SYT9: variants seen among roughly 807,000 people sequenced by gnomAD.
SYT9 encodes the protein synaptotagmin-9.
In SYT9, 22 loss-of-function variants were observed where a neutral mutation model predicts 48.4. That is an observed-to-expected ratio of 0.45 (90% confidence interval 0.32 to 0.65). SYT9 has a LOEUF of 0.65. Ranked by LOEUF, SYT9 falls within the 30% of genes least tolerant of loss-of-function variation. The pLI is 0.03. For missense variants in SYT9, 577 were observed against 622.0 expected (o/e 0.93, Z 0.77); for synonymous variants, 265 against 245.0 (o/e 1.08, Z -0.76).
chr11:7,342,556 G>GGACTTT (rs1849731742), intron 3 of SYT9, among the ~76,000 whole-genome samples: 2 of 152,122 alleles, frequency 1.3e-5, no homozygotes, highest in African/African-American at 4.8e-5. Context: ...CATGGTCTTG[G>GGACTTT]GCAGCTCTGC....
chr11:7,280,786 T>C (rs1251119892), intron 1 of SYT9, among the ~76,000 whole-genome samples: 1 of 149,654 alleles, frequency 6.7e-6, no homozygotes, highest in Non-Finnish European at 1.5e-5. Flanking sequence ...TAAGATACTA[T>C]AGACGTAAGT....
intron 3 of SYT9, among the ~76,000 whole-genome samples, chr11:7,330,475 A>AATT: frequency 1.3e-5 from 2 of 152,310 alleles, no homozygotes; most frequent in East Asian, 3.9e-4. Flanking sequence ...GATAAATAAA[A>AATT]ATTTAAAAAT....
chr11:7,318,801 A>G (rs1849286757), intron 3 of SYT9, among the ~76,000 whole-genome samples: 1 of 152,062 alleles, frequency 6.6e-6, no homozygotes, highest in East Asian at 1.9e-4. Context: ...AGCCAATCTT[A>G]TATTCCTAGA....
intron 1 of SYT9, among the ~76,000 whole-genome samples, chr11:7,294,149 T>G (rs1848746559): frequency 6.6e-6 from 1 of 152,210 alleles, no homozygotes; most frequent in African/African-American, 2.4e-5. Flanking sequence ...CTTATCCCAT[T>G]CATGAGGGCT....
At chr11:7,302,790 T>C (rs1025885772) in intron 1 of SYT9, among the ~76,000 whole-genome samples, 2 of 152,226 alleles carry the variant, frequency 1.3e-5, no homozygotes, top group African/African-American at 4.8e-5. Flanking sequence ...AGGCTGTTTA[T>C]TGTTTCTAAA....
At chr11:7,423,312 A>G (rs1407128327) in intron 6 of SYT9, among the ~76,000 whole-genome samples, 1 of 152,246 alleles carries the variant, frequency 6.6e-6, no homozygotes. Flanking sequence ...CAATGGTACC[A>G]GATGAGATGA....
chr11:7,360,214 T>C (rs1409724040), intron 3 of SYT9, among the ~76,000 whole-genome samples: 1 of 152,194 alleles, frequency 6.6e-6, no homozygotes, highest in Non-Finnish European at 1.5e-5. Flanking sequence ...GATCTATGTC[T>C]CTGTTTTGGT....
intron 6 of SYT9, among the ~76,000 whole-genome samples, chr11:7,437,388 A>T (rs1847731148): frequency 6.6e-6 from 1 of 152,236 alleles, no homozygotes; most frequent in African/African-American, 2.4e-5. Flanking sequence ...GTTTCACGAA[A>T]TTAATAAACA....
intron 4 of SYT9, 69 bp from the exon 5 acceptor site, chr11:7,417,888 A>C (rs1847281425): frequency 1.3e-6 from 2 of 1,519,726 alleles, no homozygotes; most frequent in South Asian, 2.5e-5. Flanking sequence ...GAAAACTCAC[A>C]GTGATATAAC....
intron 1 of SYT9, among the ~76,000 whole-genome samples, chr11:7,280,105 GTATGC>G (rs1219118943): frequency 6.6e-6 from 1 of 152,230 alleles, no homozygotes; most frequent in African/African-American, 2.4e-5. Context: ...AATAGAAAAG[GTATGC>G]ATAAATATAC....
chr11:7,290,464 C>A (rs952448632), intron 1 of SYT9, among the ~76,000 whole-genome samples: 4 of 152,176 alleles, frequency 2.6e-5, no homozygotes, highest in African/African-American at 7.2e-5. Flanking sequence ...CTATACTGCT[C>A]TGCCTGCGTG....
At chr11:7,411,012 G>A (rs1204635659) in intron 3 of SYT9, among the ~76,000 whole-genome samples, 3 of 152,052 alleles carry the variant, frequency 2.0e-5, no homozygotes, top group South Asian at 2.1e-4. Flanking sequence ...CTGGCACCAC[G>A]CCTGGCTAAT....
chr11:7,247,228 TG>T (rs372922418), upstream of SYT9, among the ~76,000 whole-genome samples: 73 of 152,260 alleles, frequency 4.8e-4, no homozygotes, highest in African/African-American at 1.7e-3. Context: ...GCACCCTATT[TG>T]AAGTCTTTTA....
At chr11:7,282,145 A>T (rs935557179) in intron 1 of SYT9, among the ~76,000 whole-genome samples, 14 of 152,332 alleles carry the variant, frequency 9.2e-5, no homozygotes, top group African/African-American at 2.6e-4. Context: ...TCAAGTAAAA[A>T]TTCTTATGGA....
At chr11:7,284,745 AT>A (rs993596396) in intron 1 of SYT9, among the ~76,000 whole-genome samples, 4 of 151,578 alleles carry the variant, frequency 2.6e-5, no homozygotes, top group Admixed American at 6.6e-5. Context: ...GGGAAATGTT[AT>A]TTTTTTTGCC....
chr11:7,382,852 T>C (rs1850591321), intron 3 of SYT9, among the ~76,000 whole-genome samples: 2 of 152,176 alleles, frequency 1.3e-5, no homozygotes, highest in African/African-American at 2.4e-5. Context: ...AGTGGGCTGA[T>C]CCCAGACCCT....
At chr11:7,270,841 A>ACG (rs1193575107) in intron 1 of SYT9, among the ~76,000 whole-genome samples, 58 of 132,814 alleles carry the variant, frequency 4.4e-4, no homozygotes, top group Admixed American at 2.8e-4. Context: ...AGACACACAC[A>ACG]CACACACACA....
chr11:7,292,340 G>A (rs1848709784), intron 1 of SYT9, among the ~76,000 whole-genome samples: 1 of 152,202 alleles, frequency 6.6e-6, no homozygotes, highest in South Asian at 2.1e-4. Context: ...GTAGTGCCAA[G>A]CTTAAAAAGA....
chr11:7,282,423 A>C (rs1353970862), intron 1 of SYT9, among the ~76,000 whole-genome samples: 1 of 152,214 alleles, frequency 6.6e-6, no homozygotes, highest in African/African-American at 2.4e-5. Flanking sequence ...GGGCAAAAAA[A>C]ATGGAACCAT....
Sources: allele counts gnomAD v4.1 joint callset (sites outside exome capture counted in the v4.1 genomes callset), GRCh38; gene constraint gnomAD v4.1.1; transcripts MANE v1.5; gene names NCBI Gene and HGNC (gene_info 2026-07-23, HGNC 2026-07-21).